Variants in TMCO4 observed in about 807,000 individuals in gnomAD.
TMCO4 encodes the protein transmembrane and coiled-coil domains 4.
A neutral mutation model predicts 64.7 loss-of-function variants in TMCO4; 58 were observed. The ratio of observed to expected loss-of-function variants is 0.90; its 90% CI spans 0.73 to 1.12. The LOEUF (loss-of-function observed/expected upper bound fraction) is 1.12, where lower values mean the gene tolerates loss of function less well. TMCO4 is among the 50% of genes most tolerant of loss of function. TMCO4 has a pLI of 0.00. For synonymous variants in TMCO4, 325 were observed against 346.1 expected (o/e 0.94, Z 0.68); for missense variants, 780 against 825.9 (o/e 0.94, Z 0.68).
chr1:19,693,054 T>C (rs1283686625), intron 15 of TMCO4, among the ~76,000 whole-genome samples: 1 of 149,794 alleles, frequency 6.7e-6, no homozygotes, highest in Non-Finnish European at 1.5e-5. Context: ...ACACCTGTGG[T>C]CCCAGCTACT....
At chr1:19,724,678 C>T (rs1405735737) in intron 13 of TMCO4, among the ~76,000 whole-genome samples, 1 of 152,130 alleles carries the variant, frequency 6.6e-6, no homozygotes, top group African/African-American at 2.4e-5. Flanking sequence ...AAGTGACTTG[C>T]CCAAGGGTAC....
At chr1:19,715,654 C>T (rs1288561635) in intron 13 of TMCO4, among the ~76,000 whole-genome samples, 1 of 152,200 alleles carries the variant, frequency 6.6e-6, no homozygotes, top group Non-Finnish European at 1.5e-5. Context: ...GAAAGGCAGT[C>T]GGTAACTCTC....
At chr1:19,770,440 C>T (rs1263109761) in intron 6 of TMCO4, 102 bp downstream of exon 6, 5 of 1,360,050 alleles carry the variant, frequency 3.7e-6, no homozygotes, top group Non-Finnish European at 3.2e-6. Context: ...GTCAAAAGAC[C>T]ACGGGGGACC....
intron 13 of TMCO4, among the ~76,000 whole-genome samples, chr1:19,728,854 C>T (rs1180307040): frequency 1.3e-5 from 2 of 152,156 alleles, no homozygotes; most frequent in African/African-American, 2.4e-5. Context: ...GAGGAATGTC[C>T]CTGTTTTGCA....
intron 4 of TMCO4, among the ~76,000 whole-genome samples, chr1:19,776,847 T>A (rs149955529): frequency 4.7e-4 from 72 of 151,830 alleles, no homozygotes; most frequent in African/African-American, 1.7e-3. Flanking sequence ...GCCAACACGG[T>A]GAAACCCCGT....
intron 6 of TMCO4, 148 bp from the exon 7 acceptor site, chr1:19,755,914 C>T: frequency 1.1e-6 from 1 of 911,168 alleles, no homozygotes; most frequent in Non-Finnish European, 1.7e-6. Flanking sequence ...GACACAGTTG[C>T]CTGGACAGAA....
intron 3 of TMCO4, among the ~76,000 whole-genome samples, chr1:19,785,760 T>C (rs545835264): frequency 4.6e-5 from 7 of 152,078 alleles, no homozygotes; most frequent in African/African-American, 9.6e-5. Flanking sequence ...ACTCAACACA[T>C]AGCTAACTAA....
chr1:19,698,590 T>G (rs1367456154), intron 14 of TMCO4, among the ~76,000 whole-genome samples: 3 of 152,210 alleles, frequency 2.0e-5, no homozygotes, highest in Non-Finnish European at 4.4e-5. Context: ...ACCCTCCATG[T>G]TTATGTTCTC....
chr1:19,799,569 C>T (rs994752585), intron 1 of TMCO4, among the ~76,000 whole-genome samples: 2 of 152,250 alleles, frequency 1.3e-5, no homozygotes, highest in Admixed American at 1.3e-4. Flanking sequence ...CCGAGTGCTC[C>T]GCCCAGCCTC....
chr1:19,772,656 C>A (rs1416541176), intron 4 of TMCO4, among the ~76,000 whole-genome samples: 2 of 152,172 alleles, frequency 1.3e-5, no homozygotes, highest in Non-Finnish European at 2.9e-5. Context: ...CACCCAGAAG[C>A]CAGGTCTGTC....
intron 15 of TMCO4, among the ~76,000 whole-genome samples, chr1:19,693,129 T>C (rs866380492): frequency 8.3e-6 from 1 of 120,098 alleles, no homozygotes; most frequent in Admixed American, 1.1e-4. Context: ...GCCGAGACTG[T>C]GCCACTGCAC....
intron 2 of TMCO4, among the ~76,000 whole-genome samples, chr1:19,794,191 C>T (rs1339324707): frequency 6.6e-6 from 1 of 152,176 alleles, no homozygotes; most frequent in Non-Finnish European, 1.5e-5. Context: ...GATAAGGACA[C>T]AGCCAACTCC....
chr1:19,705,412 C>T (rs532520595), intron 13 of TMCO4, among the ~76,000 whole-genome samples: 14 of 151,926 alleles, frequency 9.2e-5, no homozygotes, highest in African/African-American at 3.4e-4. Context: ...GATGGTACCA[C>T]TGCACTCCAG....
intron 15 of TMCO4, among the ~76,000 whole-genome samples, chr1:19,689,838 G>A (rs991264789): frequency 1.3e-5 from 2 of 152,254 alleles, no homozygotes; most frequent in African/African-American, 4.8e-5. Context: ...CTGGACATGG[G>A]TCAGGAGGCA....
intron 3 of TMCO4, 89 bp from the exon 4 acceptor site, chr1:19,780,855 T>C (rs560895839): frequency 1.1e-5 from 12 of 1,135,706 alleles, no homozygotes; most frequent in African/African-American, 4.7e-5. Context: ...CCATAAAAGG[T>C]TGATAAAGTA....
intron 13 of TMCO4, among the ~76,000 whole-genome samples, chr1:19,707,900 G>A (rs2095310566): frequency 6.6e-6 from 1 of 152,142 alleles, no homozygotes; most frequent in Non-Finnish European, 1.5e-5. Flanking sequence ...AGAGAGTGAA[G>A]GGGAAGTGTG....
At chr1:19,784,427 G>A (rs989688535) in intron 3 of TMCO4, among the ~76,000 whole-genome samples, 6 of 152,098 alleles carry the variant, frequency 3.9e-5, no homozygotes, top group African/African-American at 9.7e-5. Flanking sequence ...CCAGCTACTC[G>A]GGAGGCTGAG....
At chr1:19,724,894 T>C (rs192366769) in intron 13 of TMCO4, among the ~76,000 whole-genome samples, 25 of 152,310 alleles carry the variant, frequency 1.6e-4, no homozygotes, top group African/African-American at 5.8e-4. Context: ...CCTGAGTAGC[T>C]GGGACTACAG....
At chr1:19,729,867 C>T (rs12402310) in intron 13 of TMCO4, among the ~76,000 whole-genome samples, 21,247 of 152,140 alleles carry the variant, frequency 0.14, 2,153 homozygotes, top group East Asian at 0.5. Context: ...CCCCATTTTC[C>T]GTGATGTGAT....
Sources: allele counts gnomAD v4.1 joint callset (sites outside exome capture counted in the v4.1 genomes callset), GRCh38; gene constraint gnomAD v4.1.1; transcripts MANE v1.5; gene names NCBI Gene and HGNC (gene_info 2026-07-23, HGNC 2026-07-21).